MAGI2: variants seen among roughly 807,000 people sequenced by gnomAD.
MAGI2 encodes the protein membrane-associated guanylate kinase, WW and PDZ domain-containing protein 2.
Under a neutral mutation model 133.3 loss-of-function variants are expected in MAGI2, and 35 were observed. The observed-to-expected ratio is 0.26, with a 90% confidence interval of 0.20 to 0.35. The LOEUF (loss-of-function observed/expected upper bound fraction) is 0.35, where lower values mean the gene tolerates loss of function less well. MAGI2 is among the 10% of genes least tolerant of loss of function. MAGI2 has a pLI of 1.00. For missense variants in MAGI2, 1,636 were observed against 1,863.4 expected (o/e 0.88, Z 2.25); for synonymous variants, 729 against 710.6 (o/e 1.03, Z -0.41).
At chr7:78,854,574 G>C (rs1172678150) in intron 2 of MAGI2, among the ~76,000 whole-genome samples, 1 of 151,908 alleles carries the variant, frequency 6.6e-6, no homozygotes, top group African/African-American at 2.4e-5. Context: ...TTATAATTAT[G>C]AGTGATTCAT....
At chr7:79,293,629 G>A (rs540266377) in intron 1 of MAGI2, among the ~76,000 whole-genome samples, 1 of 152,272 alleles carries the variant, frequency 6.6e-6, no homozygotes, top group East Asian at 1.9e-4. Context: ...ACATTATAAG[G>A]TATGTACAAT....
chr7:79,030,691 A>T (rs557093403), intron 1 of MAGI2, among the ~76,000 whole-genome samples: 2 of 152,294 alleles, frequency 1.3e-5, no homozygotes, highest in Non-Finnish European at 2.9e-5. Flanking sequence ...ATCATGGTAT[A>T]TCCTTCTCAA....
intron 2 of MAGI2, among the ~76,000 whole-genome samples, chr7:78,659,759 T>C (rs1330419764): frequency 6.6e-6 from 1 of 152,158 alleles, no homozygotes. Context: ...ATTGTACTAT[T>C]GTTTTGCAAG....
At chr7:78,828,036 C>T (rs1790818061) in intron 2 of MAGI2, among the ~76,000 whole-genome samples, 1 of 152,150 alleles carries the variant, frequency 6.6e-6, no homozygotes, top group South Asian at 2.1e-4. Flanking sequence ...AGGCATGTGC[C>T]ACCATGCCCG....
chr7:78,738,285 A>G (rs560959743), intron 2 of MAGI2, among the ~76,000 whole-genome samples: 3 of 152,264 alleles, frequency 2.0e-5, no homozygotes, highest in South Asian at 2.1e-4. Flanking sequence ...AATCTGTTCA[A>G]TTAAATTAAG....
intron 2 of MAGI2, among the ~76,000 whole-genome samples, chr7:78,857,476 T>C (rs1793755675): frequency 6.6e-6 from 1 of 152,192 alleles, no homozygotes; most frequent in Non-Finnish European, 1.5e-5. Context: ...GTGTCGAATT[T>C]TGTTGAAGGC....
intron 2 of MAGI2, among the ~76,000 whole-genome samples, chr7:78,630,455 G>A (rs1166947837): frequency 2.6e-5 from 3 of 115,426 alleles, no homozygotes; most frequent in Admixed American, 2.4e-4. Flanking sequence ...TTGCTCTGTT[G>A]CCCAGGCTGA....
chr7:79,032,241 G>C (rs891533533), intron 1 of MAGI2, among the ~76,000 whole-genome samples: 1 of 152,100 alleles, frequency 6.6e-6, no homozygotes, highest in Non-Finnish European at 1.5e-5. Flanking sequence ...CAGGGGCCAG[G>C]CACGGTGGTT....
chr7:78,589,894 T>G (rs1198857017), intron 3 of MAGI2, among the ~76,000 whole-genome samples: 1 of 152,222 alleles, frequency 6.6e-6, no homozygotes, highest in Non-Finnish European at 1.5e-5. Flanking sequence ...AAAAATGACA[T>G]TTTAATTACC....
intron 2 of MAGI2, among the ~76,000 whole-genome samples, chr7:78,956,351 T>C (rs1030520630): frequency 3.3e-5 from 5 of 152,166 alleles, no homozygotes; most frequent in African/African-American, 4.8e-5. Flanking sequence ...TTCCCATCCA[T>C]GCTGCCTGAT....
At chr7:78,245,795 A>C (rs1791709432) in intron 10 of MAGI2, among the ~76,000 whole-genome samples, 1 of 152,182 alleles carries the variant, frequency 6.6e-6, no homozygotes, top group Non-Finnish European at 1.5e-5. Context: ...AGGAGGTGTC[A>C]GGAGTCCACA....
intron 1 of MAGI2, among the ~76,000 whole-genome samples, chr7:79,401,900 C>G (rs1191651062): frequency 6.6e-6 from 1 of 152,006 alleles, no homozygotes; most frequent in South Asian, 2.1e-4. Flanking sequence ...TGATAAATGA[C>G]TTAACTAAAT....
intron 6 of MAGI2, among the ~76,000 whole-genome samples, chr7:78,437,310 T>C (rs1388604789): frequency 3.3e-5 from 5 of 152,172 alleles, no homozygotes. Context: ...GGTCTTGTTC[T>C]TTCTACTTTC....
intron 6 of MAGI2, among the ~76,000 whole-genome samples, chr7:78,447,649 A>G (rs1788291890): frequency 6.6e-6 from 1 of 152,142 alleles, no homozygotes; most frequent in Non-Finnish European, 1.5e-5. Context: ...CAAACAGAGC[A>G]AAAGAGAAGA....
intron 21 of MAGI2, among the ~76,000 whole-genome samples, chr7:78,044,678 CGTGTGT>C (rs58076536): frequency 6.8e-4 from 86 of 126,474 alleles, no homozygotes; most frequent in African/African-American, 2.7e-3. Flanking sequence ...GCTAATGTAC[CGTGTGT>C]GTGTGTGTGT....
At chr7:78,536,553 C>G (rs375927491) in intron 3 of MAGI2, among the ~76,000 whole-genome samples, 3 of 151,840 alleles carry the variant, frequency 2.0e-5, no homozygotes, top group East Asian at 1.9e-4. Context: ...CAATTAGGTT[C>G]CAAAGGAGAA....
At chr7:78,426,987 A>G (rs1357772021) in intron 6 of MAGI2, among the ~76,000 whole-genome samples, 2 of 152,224 alleles carry the variant, frequency 1.3e-5, no homozygotes, top group African/African-American at 4.8e-5. Flanking sequence ...GTGGGTGGCA[A>G]GTAGAACTCT....
chr7:78,165,175 G>A (rs761150652), intron 15 of MAGI2, among the ~76,000 whole-genome samples: 2 of 152,132 alleles, frequency 1.3e-5, no homozygotes, highest in Non-Finnish European at 2.9e-5. Context: ...TGAGAATCTA[G>A]TTTATCTTCT....
At chr7:79,095,791 TA>T (rs1405373419) in intron 1 of MAGI2, among the ~76,000 whole-genome samples, 1 of 152,060 alleles carries the variant, frequency 6.6e-6, no homozygotes, top group Non-Finnish European at 1.5e-5. Flanking sequence ...ATGAAAATAA[TA>T]AAAAAGTTTG....
Sources: allele counts gnomAD v4.1 joint callset (sites outside exome capture counted in the v4.1 genomes callset), GRCh38; gene constraint gnomAD v4.1.1; transcripts MANE v1.5; gene names NCBI Gene and HGNC (gene_info 2026-07-23, HGNC 2026-07-21).